PRKCA: variants seen among roughly 807,000 people sequenced by gnomAD.
The protein encoded by PRKCA is protein kinase C alpha type.
Under a neutral mutation model 87.0 loss-of-function variants are expected in PRKCA, and 27 were observed. The observed-to-expected ratio is 0.31, with a 90% CI of 0.23 to 0.43. PRKCA has a LOEUF of 0.43. Among genes scored for constraint, PRKCA ranks in the 20% least tolerant of loss-of-function variants. PRKCA has a pLI of 1.00. For missense variants in PRKCA, 518 were observed against 852.3 expected (o/e 0.61, Z 4.88); for synonymous variants, 329 against 311.1 (o/e 1.06, Z -0.61).
intron 3 of PRKCA, among the ~76,000 whole-genome samples, chr17:66,585,373 T>C (rs548027083): frequency 2.0e-5 from 3 of 152,310 alleles, no homozygotes; most frequent in Admixed American, 2.0e-4. Flanking sequence ...AGCTTGCTTA[T>C]CTATGTCTGC....
intron 5 of PRKCA, among the ~76,000 whole-genome samples, chr17:66,679,666 T>C (rs1380998247): frequency 1.3e-5 from 2 of 152,210 alleles, no homozygotes; most frequent in African/African-American, 4.8e-5. Context: ...TGGCCACCCA[T>C]CTTTCTAGTG....
At position 66,630,078 on chromosome 17, in the gene PRKCA, G is replaced by A. The variant is rs116632776; in HGVS notation, c.289-11277G>A. Among the ~76,000 whole-genome samples, 348 of 152,110 alleles carry A rather than the reference G, an allele frequency of 2.3e-3. 2 individuals carry two copies. The highest frequency in any genetic ancestry group is 8.2e-3 in the African/African-American group (339 of 41,480). ...GTTTTAAATAACATTTTTTTAAAAC[G>A]TGAGCTATTCCTCAAAAGATTACTA... On this transcript the variant is annotated intron_variant, in intron 3 of 16. Coordinates refer to ENST00000413366, the MANE Select transcript of PRKCA (RefSeq NM_002737.3).
At chr17:66,309,475 T>C (rs182379577) in intron 2 of PRKCA, among the ~76,000 whole-genome samples, 1 of 152,310 alleles carries the variant, frequency 6.6e-6, no homozygotes, top group Admixed American at 6.5e-5. Flanking sequence ...AATATAGGTA[T>C]ACAATCCTGA....
At chr17:66,328,393 A>C (rs1279559714) in intron 2 of PRKCA, among the ~76,000 whole-genome samples, 1 of 151,766 alleles carries the variant, frequency 6.6e-6, no homozygotes, top group East Asian at 2.0e-4. Flanking sequence ...ATTTGAATGA[A>C]CTCTAAAGGA....
chr17:66,715,434 G>A (rs1450796516), intron 8 of PRKCA, among the ~76,000 whole-genome samples: 4 of 151,378 alleles, frequency 2.6e-5, no homozygotes, highest in Non-Finnish European at 5.9e-5. Context: ...GATAAACACC[G>A]TGGCTCCCTC....
Position 66,687,113 on chromosome 17 carries a change from C to T in PRKCA, c.532C>T (p.Arg178Ter), listed in dbSNP as rs1462693086. ...VADEKLHVTVRDAKNLIPMDP... is the reference protein window; with the variant it reads ...VADEKLHVTV ...TTTTCTTCCTTCTCTCTTCACAGTA[C>T]GAGATGCAAAAAATCTAATCCCTAT... The change falls in exon 6 of 17, where the codon CGA (arginine) becomes TGA (stop). Residue 178 changes from arginine to a stop codon, truncating the protein, a stop_gained and splice_region_variant. Transcript: ENST00000413366. LOFTEE classifies it high-confidence loss of function. 5.6e-6 allele frequency: 9 copies of T among 1,609,560 alleles called. No individual in the cohort carries two copies. Among genetic ancestry groups the T allele is most frequent in the Admixed American group, 1.7e-5 (1 of 59,782 alleles).
At chr17:66,650,551 A>T (rs1205463086) in intron 5 of PRKCA, among the ~76,000 whole-genome samples, 1 of 152,188 alleles carries the variant, frequency 6.6e-6, no homozygotes, top group Non-Finnish European at 1.5e-5. Context: ...CCACAGATAG[A>T]TTATTCTGAA....
chr17:66,591,973 T>G (rs541625213), intron 3 of PRKCA, among the ~76,000 whole-genome samples: 5 of 152,268 alleles, frequency 3.3e-5, no homozygotes, highest in Admixed American at 1.3e-4. Context: ...TGGTCCTAGC[T>G]TTGGGGGTTT....
At chr17:66,535,603 C>T (rs1046257348) in intron 3 of PRKCA, among the ~76,000 whole-genome samples, 2 of 152,148 alleles carry the variant, frequency 1.3e-5, no homozygotes, top group African/African-American at 2.4e-5. Flanking sequence ...ACACAGCTCT[C>T]GAGGGGTTCT....
At chr17:66,791,076 C>T (rs113741002) in intron 16 of PRKCA, among the ~76,000 whole-genome samples, 5 of 151,498 alleles carry the variant, frequency 3.3e-5, no homozygotes, top group Admixed American at 2.0e-4. Context: ...TATACATGTG[C>T]CATGTCGGTG....
chr17:66,484,059 A>G (rs1261158587), intron 2 of PRKCA, among the ~76,000 whole-genome samples: 1 of 152,172 alleles, frequency 6.6e-6, no homozygotes, highest in African/African-American at 2.4e-5. Context: ...TCATGGCAGA[A>G]GGTGAAAGTC....
chr17:66,422,667 G>A (rs1292318779), intron 2 of PRKCA, among the ~76,000 whole-genome samples: 1 of 152,156 alleles, frequency 6.6e-6, no homozygotes, highest in East Asian at 1.9e-4. Context: ...CTTTCCAGCA[G>A]CATCATGCAA....
intron 3 of PRKCA, among the ~76,000 whole-genome samples, chr17:66,604,822 A>G (rs901862074): frequency 6.6e-6 from 1 of 152,196 alleles, no homozygotes; most frequent in Non-Finnish European, 1.5e-5. Context: ...TTATGATTGC[A>G]CTTCTAGGAT....
At chr17:66,497,790 TGCGAAA>T (rs1034642749) in intron 3 of PRKCA, among the ~76,000 whole-genome samples, 6 of 152,218 alleles carry the variant, frequency 3.9e-5, no homozygotes, top group Non-Finnish European at 8.8e-5. Context: ...TTCTTCCCTT[TGCGAAA>T]GATGACATTT....
intron 16 of PRKCA, among the ~76,000 whole-genome samples, chr17:66,800,321 G>C (rs1290457441): frequency 6.6e-6 from 1 of 152,234 alleles, no homozygotes; most frequent in Non-Finnish European, 1.5e-5. Flanking sequence ...CAGTGTGACT[G>C]CAGGGCAGCA....
intron 13 of PRKCA, among the ~76,000 whole-genome samples, chr17:66,765,432 A>ATCTATATATCTATATATC (rs1568020958): frequency 6.9e-5 from 9 of 131,188 alleles, no homozygotes; most frequent in African/African-American, 2.3e-4. Context: ...ATATATATAT[A>ATCTATATATCTATATATC]TATATATATA....
intron 2 of PRKCA, among the ~76,000 whole-genome samples, chr17:66,339,592 A>G (rs1339742370): frequency 6.6e-6 from 1 of 152,192 alleles, no homozygotes; most frequent in Non-Finnish European, 1.5e-5. Flanking sequence ...TTAGATCCTT[A>G]ATATTGTTCT....
chr17:66,660,048 G>A (rs1248417945), intron 5 of PRKCA, among the ~76,000 whole-genome samples: 1 of 152,144 alleles, frequency 6.6e-6, no homozygotes, highest in Admixed American at 6.5e-5. Flanking sequence ...CACAGTCATG[G>A]CTGGATTCAA....
In PRKCA at chr17:66,803,751, C is replaced by A. The variant is rs1975956475; in HGVS notation, c.1855-122C>A. On this transcript the variant is annotated intron_variant, in intron 16 of 16. Transcript: ENST00000413366. This position sits in a 1 kb window ranked among gnomAD's most constrained non-coding sequence, Gnocchi z 4.4. The stretch of plus-strand genomic sequence containing the variant: ...ATAGGCCTGCAAGTCCTCCGAGATT[C>A]CTCCTCCTAACCAGCCCGGAGTTCC... The A allele has an allele frequency of 1.5e-6, 2 of 1,355,584 alleles. No individual in the cohort carries two copies. The highest frequency in any genetic ancestry group is 2.4e-5 in the East Asian group (1 of 41,870). The allele number at this position is 1,355,584 out of a possible 1,614,324, so 84.0% of individuals were successfully genotyped here.
Sources: gnomAD v4.1 joint callset for allele counts (sites outside exome capture counted in the v4.1 genomes callset) on GRCh38, gnomAD v4.1.1 for gene constraint, Gnocchi (gnomAD v3.1) non-coding constraint, MANE v1.5 for transcripts, NCBI Gene and HGNC (gene_info 2026-07-23, HGNC 2026-07-21) for gene names.